The following ITIH5 variants were observed in gnomAD, a reference collection of about 807,000 sequenced individuals.
ITIH5 encodes the protein inter-alpha-trypsin inhibitor heavy chain H5.
A neutral mutation model predicts 77.5 loss-of-function variants in ITIH5; 65 were observed. The observed-to-expected ratio is 0.84, with a 90% confidence interval of 0.69 to 1.03. The LOEUF (loss-of-function observed/expected upper bound fraction) is 1.03. Ranked by LOEUF, ITIH5 falls within the 50% of genes least tolerant of loss-of-function variation. ITIH5 has a pLI of 0.00. For synonymous variants in ITIH5, 525 were observed against 494.3 expected, an observed-to-expected ratio of 1.06 and a Z score of -0.82; for missense variants, 1,208 against 1,213.1, an observed-to-expected ratio of 1.00 and a Z score of 0.06.
intron 1 of ITIH5, among the ~76,000 whole-genome samples, chr10:7,660,396 GA>G (rs1485206630): frequency 2.0e-5 from 3 of 152,078 alleles, no homozygotes; most frequent in Admixed American, 6.5e-5. Flanking sequence ...ACAATCCTCA[GA>G]AAATCAACTT....
At position 7,579,928 on chromosome 10, in the gene ITIH5, G is replaced by T. The variant is rs1481194547; in HGVS notation, c.1245C>A (p.His415Gln). 1.1e-5 allele frequency: 18 copies of T among 1,614,104 alleles called. No individual in the cohort carries two copies. The highest frequency in any genetic ancestry group is 1.5e-5 in the Non-Finnish European group (18 of 1,180,056). ...GGGTGTTGTTGAGGATCTTGAGGGT[G>T]TGCGTCTCCCCGACCGTGGGCTTCC... Reference protein sequence around the residue: ...TDGKPTVGETHTLKILNNTRE... With the variant: ...TDGKPTVGETQTLKILNNTRE... The change falls in exon 9 of 14, where the codon CAC becomes CAA. Residue 415 changes from histidine to glutamine, a missense_variant. His to Gln is a conservative substitution (Grantham distance 24). Coordinates refer to ENST00000397146, the MANE Select transcript of ITIH5 (RefSeq NM_030569.7).
intron 7 of ITIH5, among the ~76,000 whole-genome samples, chr10:7,600,852 C>T (rs572095933): frequency 3.9e-5 from 6 of 152,286 alleles, no homozygotes; most frequent in African/African-American, 1.4e-4. Context: ...CATGGGAGGA[C>T]ATGCGGAGAA....
At position 7,637,252 on chromosome 10, in the gene ITIH5, GCCT is replaced by G; in HGVS notation, c.625_627del (p.Arg209del). On this transcript the variant is annotated inframe_deletion, in exon 5 of 14. Coordinates refer to ENST00000397146, the MANE Select transcript of ITIH5 (RefSeq NM_030569.7). ...CCTTCCCCGCGCCCACTGCCCCTCTGCCTGCTGTTGTGAAGCGGCAGCACCTCC... is the reference window on the plus strand; with the variant it reads ...CCTTCCCCGCGCCCACTGCCCCTCTGGCTGTTGTGAAGCGGCAGCACCTCC... 6.2e-7 allele frequency: 1 copy of G among 1,609,906 alleles called. No homozygotes were observed. Among genetic ancestry groups the G allele is most frequent in the Non-Finnish European group, 8.5e-7 (1 of 1,179,934 alleles).
chr10:7,615,904 C>T lies in ITIH5; in HGVS notation c.939+78G>A, dbSNP rs2131034253. ...GGTAAAGCTGACGTTTGGCATCTACCGAACTTTATTCGCAAAGCAAGTCAT... is the reference window on the plus strand; with the variant it reads ...GGTAAAGCTGACGTTTGGCATCTACTGAACTTTATTCGCAAAGCAAGTCAT... On this transcript the variant is annotated intron_variant, in intron 7 of 13. Transcript: ENST00000397146. 9 of 893,658 alleles carry T rather than the reference C, an allele frequency of 1.0e-5. No individual in the cohort carries two copies. In the South Asian group the frequency reaches 1.1e-4, roughly 11 times the overall value. The allele number at this position is 893,658 out of a possible 1,614,324, so 55.4% of individuals were successfully genotyped here.
intron 5 of ITIH5, chr10:7,620,678 C>T (rs1833460648): frequency 8.7e-6 from 1 of 114,608 alleles, no homozygotes; most frequent in Admixed American, 8.6e-5. Flanking sequence ...TGTTATTTGC[C>T]AAACAGACCC....
At chr10:7,604,362 C>T (rs1235198940) in intron 7 of ITIH5, among the ~76,000 whole-genome samples, 3 of 152,164 alleles carry the variant, frequency 2.0e-5, no homozygotes, top group African/African-American at 4.8e-5. Flanking sequence ...CCTCAGAGCG[C>T]CCAAGCTCTC....
chr10:7,587,809 G>A (rs965145257), intron 7 of ITIH5, among the ~76,000 whole-genome samples: 1 of 152,128 alleles, frequency 6.6e-6, no homozygotes, highest in Non-Finnish European at 1.5e-5. Context: ...AGTGGCTCTG[G>A]GACACCCTTG....
intron 11 of ITIH5, chr10:7,570,077 G>T: frequency 4.4e-6 from 1 of 226,132 alleles, no homozygotes; most frequent in Admixed American, 5.5e-5. Flanking sequence ...TGAGAGGTGA[G>T]AGGAGAAGGA....
intron 1 of ITIH5, 115 bp from the exon 2 acceptor site, chr10:7,655,790 T>G (rs1220302533): frequency 8.7e-6 from 7 of 806,818 alleles, no homozygotes; most frequent in Non-Finnish European, 1.4e-5. Flanking sequence ...TCTATTCAGA[T>G]TCACCAAAAG....
chr10:7,598,007 T>TA (rs1231750629), intron 7 of ITIH5, among the ~76,000 whole-genome samples: 1 of 152,044 alleles, frequency 6.6e-6, no homozygotes, highest in Non-Finnish European at 1.5e-5. Context: ...GTTGTACTTC[T>TA]AAAAAATCTA....
chr10:7,644,923 TC>T (rs1241468203), intron 2 of ITIH5, among the ~76,000 whole-genome samples: 2 of 53,970 alleles, frequency 3.7e-5, no homozygotes, highest in South Asian at 1.4e-3. Context: ...CATATATATA[TC>T]ACATATATAT....
intron 10 of ITIH5, 123 bp downstream of exon 10, chr10:7,576,330 A>T (rs897847894): frequency 2.2e-6 from 2 of 900,804 alleles, no homozygotes; most frequent in Non-Finnish European, 3.3e-6. Flanking sequence ...GGTCTGGGTT[A>T]TTGTTTATAA....
rs1391395627 is a variant in ITIH5 at position 7,655,664 on chromosome 10, C to A, written c.102G>T (p.Arg34Ser). ...GCAACAGTCTGACTTGCCTCGGGAC[C>A]CTGAGTCCATCCTAGAAAAGAGAAG... is the stretch of plus-strand genomic sequence containing the variant. ...WGHSSEQDGL[R>S]VPRQVRLLQR... Residue 34 changes from arginine (R) to serine (S), a missense_variant, in exon 2 of 14, where the codon AGG (arginine) becomes AGT (serine). Transcript: ENST00000397146. 1.7e-5 allele frequency: 28 copies of A among 1,612,184 alleles called. 1 individual carries two copies. In the South Asian group the frequency reaches 2.5e-4, roughly 15 times the overall value.
At chr10:7,572,050 G>T in intron 11 of ITIH5, 1 of 1,011,316 alleles carries the variant, frequency 9.9e-7, no homozygotes, top group African/African-American at 1.7e-5. Flanking sequence ...AAAGAGGGGA[G>T]GGTCAAAAAG....
chr10:7,645,366 G>A (rs77011498), intron 2 of ITIH5, among the ~76,000 whole-genome samples: 7 of 152,186 alleles, frequency 4.6e-5, no homozygotes, highest in East Asian at 1.9e-4. Flanking sequence ...TGTGGTCCTC[G>A]GACCAGCAGC....
chr10:7,616,082 A>G lies in ITIH5; in HGVS notation c.839T>C (p.Phe280Ser), dbSNP rs1271241177. Residue 280 changes from phenylalanine to serine, a missense_variant, in exon 7 of 14, where the codon TTT becomes TCT. Transcript: ENST00000397146. The stretch of plus-strand genomic sequence containing the variant: ...GTCTTTAGGAGCAAAGTAGTGCACA[A>G]AATAGCCATTTAGAACCTGGTGGAG... ...IGDIQVLNGY[F>S]VHYFAPKDLP... 6.2e-7 allele frequency: 1 copy of G among 1,607,228 alleles called. No homozygotes were observed. The highest frequency in any genetic ancestry group is 8.5e-7 in the Non-Finnish European group (1 of 1,173,736).
chr10:7,630,251 G>A (rs1392452325), intron 5 of ITIH5, among the ~76,000 whole-genome samples: 1 of 152,168 alleles, frequency 6.6e-6, no homozygotes, highest in African/African-American at 2.4e-5. Context: ...TAGGTGCTCT[G>A]TAAGTGTTTG....
At chr10:7,644,356 A>C (rs1052273615) in intron 2 of ITIH5, among the ~76,000 whole-genome samples, 64 of 147,200 alleles carry the variant, frequency 4.3e-4, no homozygotes, top group African/African-American at 8.2e-4. Context: ...TCACATATAT[A>C]TCATATATAT....
chr10:7,591,532 C>T (rs1190113630), intron 7 of ITIH5, among the ~76,000 whole-genome samples: 2 of 152,152 alleles, frequency 1.3e-5, no homozygotes, highest in Non-Finnish European at 2.9e-5. Context: ...CCCAGCTACA[C>T]AATGTCCACG....
Sources: gnomAD v4.1 joint callset for allele counts (sites outside exome capture counted in the v4.1 genomes callset) on GRCh38, gnomAD v4.1.1 for gene constraint, MANE v1.5 for transcripts, NCBI Gene and HGNC (gene_info 2026-07-23, HGNC 2026-07-21) for gene names.